Variants in KIF16B observed in about 807,000 individuals in gnomAD.
KIF16B encodes kinesin family member 16B, also known as kinesin-like protein KIF16B.
In KIF16B, 98 loss-of-function variants were observed where a neutral mutation model predicts 156.3. The ratio of observed to expected loss-of-function variants is 0.63; its 90% CI spans 0.53 to 0.74. The LOEUF (loss-of-function observed/expected upper bound fraction) is 0.74. KIF16B is among the 30% of genes least tolerant of loss of function. The pLI is 0.00. For synonymous variants in KIF16B, 564 were observed against 583.7 expected, an observed-to-expected ratio of 0.97 and a Z score of 0.49; for missense variants, 1,421 against 1,606.5, an observed-to-expected ratio of 0.88 and a Z score of 1.97.
chr20:16,325,802 T>G (rs2063837408), intron 24 of KIF16B, among the ~76,000 whole-genome samples: 1 of 151,750 alleles, frequency 6.6e-6, no homozygotes. Flanking sequence ...AAAAAAACCC[T>G]AAAATTCCTA....
chr20:16,339,928 TC>T (rs1389265170), intron 23 of KIF16B, among the ~76,000 whole-genome samples: 1 of 152,186 alleles, frequency 6.6e-6, no homozygotes, highest in Non-Finnish European at 1.5e-5. Flanking sequence ...CATTTTTTTC[TC>T]AACACAGGAG....
intron 17 of KIF16B, among the ~76,000 whole-genome samples, chr20:16,393,581 T>C (rs548764694): frequency 1.5e-4 from 23 of 152,176 alleles, no homozygotes; most frequent in Non-Finnish European, 2.9e-4. Flanking sequence ...ATACACACAT[T>C]CAGTCAAGAA....
chr20:16,451,153 G>A (rs908677152), intron 12 of KIF16B, among the ~76,000 whole-genome samples: 1 of 152,182 alleles, frequency 6.6e-6, no homozygotes, highest in African/African-American at 2.4e-5. Context: ...AAATGAGAAA[G>A]ACTGAAATAG....
intron 1 of KIF16B, among the ~76,000 whole-genome samples, chr20:16,557,701 C>T (rs776022659): frequency 5.3e-5 from 8 of 152,086 alleles, no homozygotes; most frequent in Non-Finnish European, 1.0e-4. Context: ...GTCCTCCACT[C>T]GAAGCCCAGG....
At chr20:16,533,281 A>C (rs1352257227) in intron 1 of KIF16B, among the ~76,000 whole-genome samples, 1 of 152,110 alleles carries the variant, frequency 6.6e-6, no homozygotes, top group Non-Finnish European at 1.5e-5. Context: ...TCTGACTCTT[A>C]ATACTCAAAA....
At chr20:16,457,420 G>T (rs2067239069) in intron 12 of KIF16B, among the ~76,000 whole-genome samples, 1 of 152,174 alleles carries the variant, frequency 6.6e-6, no homozygotes, top group South Asian at 2.1e-4. Context: ...TTCAATGCTT[G>T]ACTTTGCTCA....
At chr20:16,312,048 A>G (rs1030935165) in intron 25 of KIF16B, among the ~76,000 whole-genome samples, 1 of 152,194 alleles carries the variant, frequency 6.6e-6, no homozygotes, top group African/African-American at 2.4e-5. Flanking sequence ...CCATCTGTCT[A>G]TGGTGAATAT....
chr20:16,322,219 T>C (rs8119246), intron 24 of KIF16B, among the ~76,000 whole-genome samples: 109,401 of 151,764 alleles, frequency 0.72, 40,397 homozygotes, highest in East Asian at 0.96. Context: ...CAAGACTAAG[T>C]CACTAAAAAA....
intron 12 of KIF16B, among the ~76,000 whole-genome samples, chr20:16,439,169 C>A (rs1273740828): frequency 2.0e-5 from 3 of 152,102 alleles, no homozygotes; most frequent in African/African-American, 7.2e-5. Flanking sequence ...CAGAGCTCTA[C>A]CCGCATGATA....
At chr20:16,567,418 A>C (rs987970628) in intron 1 of KIF16B, among the ~76,000 whole-genome samples, 1 of 152,170 alleles carries the variant, frequency 6.6e-6, no homozygotes, top group African/African-American at 2.4e-5. Flanking sequence ...TAGAGGTTCC[A>C]TCTCAACCGT....
intron 25 of KIF16B, among the ~76,000 whole-genome samples, chr20:16,304,163 T>C (rs1270470958): frequency 1.3e-5 from 2 of 152,232 alleles, no homozygotes; most frequent in Non-Finnish European, 2.9e-5. Context: ...GACTTCCATC[T>C]GAGTTTAGAA....
rs148059449 is a variant in KIF16B at position 16,394,766 on chromosome 20, G to A, written c.1784+10047C>T. ...ATAAGACAAATTATAAAGTAGCAGC[G>A]AGTGAGTGAGAAGAGAAAAGTGTGC... On this transcript the variant is annotated intron_variant, in intron 17 of 25. Coordinates refer to ENST00000354981, the MANE Select transcript of KIF16B (RefSeq NM_024704.5). Among the ~76,000 whole-genome samples, 28 of 152,180 alleles carry A rather than the reference G, an allele frequency of 1.8e-4. No homozygotes were observed. In the East Asian group the frequency reaches 4.9e-3, roughly 26 times the overall value.
chr20:16,436,289 A>C (rs1268571413), intron 12 of KIF16B, among the ~76,000 whole-genome samples: 3 of 152,126 alleles, frequency 2.0e-5, no homozygotes, highest in African/African-American at 7.2e-5. Flanking sequence ...TTCTCTAGCC[A>C]GATGGAATGA....
In KIF16B at chr20:16,288,387, G is replaced by C. The variant is rs556820961; in HGVS notation, c.3796-14976C>G. The stretch of plus-strand genomic sequence containing the variant: ...AGAACCTTAGTAAGTACAGATGTAT[G>C]GTATGTACCTCAGTAAGTACAGTAT... On this transcript the variant is annotated intron_variant, in intron 25 of 25. Transcript: ENST00000354981. Among the ~76,000 whole-genome samples, 11 of 152,346 alleles carry C rather than the reference G, an allele frequency of 7.2e-5. No individual in the cohort carries two copies. The South Asian group carries it at 1.5e-3, about 20-fold the overall frequency.
intron 12 of KIF16B, among the ~76,000 whole-genome samples, chr20:16,473,892 T>C (rs2067733814): frequency 6.6e-6 from 1 of 152,184 alleles, no homozygotes; most frequent in Non-Finnish European, 1.5e-5. Context: ...AGAATGTAAA[T>C]GAGCTCTGAG....
rs566702101 is a variant in KIF16B, at chr20:16,277,994, C to T, written c.3796-4583G>A. Among the ~76,000 whole-genome samples, 4 of 152,286 alleles carry T rather than the reference C, an allele frequency of 2.6e-5. No individual in the cohort carries two copies. The South Asian group carries it at 8.3e-4, about 32-fold the overall frequency. ...TCAGGGCCACTGAGAACAGCAAAAG[C>T]ACCTCCTAGGGTTGCACAACATTAT... On this transcript the variant is annotated intron_variant, in intron 25 of 25. Coordinates refer to ENST00000354981, the MANE Select transcript of KIF16B (RefSeq NM_024704.5).
At chr20:16,275,369 A>C (rs1327742652) in intron 25 of KIF16B, among the ~76,000 whole-genome samples, 1 of 152,202 alleles carries the variant, frequency 6.6e-6, no homozygotes, top group Non-Finnish European at 1.5e-5. Context: ...TAAACTGTAC[A>C]TTCTTTAAAT....
intron 12 of KIF16B, among the ~76,000 whole-genome samples, chr20:16,447,970 G>T (rs1281585583): frequency 6.6e-6 from 1 of 152,064 alleles, no homozygotes; most frequent in Non-Finnish European, 1.5e-5. Flanking sequence ...AACAAAACAT[G>T]GACAGGTGTG....
At chr20:16,551,764 A>T (rs150960159) in intron 1 of KIF16B, among the ~76,000 whole-genome samples, 5 of 152,296 alleles carry the variant, frequency 3.3e-5, no homozygotes, top group African/African-American at 1.2e-4. Context: ...TCAAGCATAG[A>T]CAGAGAGCAA....
Sources: allele counts gnomAD v4.1 joint callset (sites outside exome capture counted in the v4.1 genomes callset), GRCh38; gene constraint gnomAD v4.1.1; transcripts MANE v1.5; gene names NCBI Gene and HGNC (gene_info 2026-07-23, HGNC 2026-07-21).